SORCS3: variants seen among roughly 807,000 people sequenced by gnomAD.
SORCS3 encodes VPS10 domain-containing receptor SorCS3.
In SORCS3, 57 loss-of-function variants were observed where a neutral mutation model predicts 146.3. The ratio of observed to expected loss-of-function variants is 0.39; its 90% CI spans 0.31 to 0.49. SORCS3 has a LOEUF of 0.49. Ranked by LOEUF, SORCS3 falls within the 20% of genes least tolerant of loss-of-function variation. SORCS3 has a pLI of 0.92. For synonymous variants in SORCS3, 653 were observed against 618.5 expected (o/e 1.06, Z -0.83); for missense variants, 1,341 against 1,575.5 (o/e 0.85, Z 2.52).
At chr10:105,029,530 T>G (rs2055250759) in intron 4 of SORCS3, among the ~76,000 whole-genome samples, 1 of 152,216 alleles carries the variant, frequency 6.6e-6, no homozygotes, top group African/African-American at 2.4e-5. Context: ...AGGCTGTGCT[T>G]TTTGCTGTCT....
intron 1 of SORCS3, among the ~76,000 whole-genome samples, chr10:104,688,733 C>T (rs927751937): frequency 6.6e-6 from 1 of 152,156 alleles, no homozygotes; most frequent in African/African-American, 2.4e-5. Context: ...CAGGAAGTAC[C>T]TCTGTGGGTG....
At chr10:105,179,884 G>A (rs369625377) in intron 14 of SORCS3, among the ~76,000 whole-genome samples, 62 of 152,246 alleles carry the variant, frequency 4.1e-4, no homozygotes, top group Middle Eastern at 3.4e-3. Context: ...TAGCTTTGCC[G>A]TTGAATTGAA....
At chr10:105,081,901 A>G (rs2055628806) in intron 5 of SORCS3, among the ~76,000 whole-genome samples, 1 of 152,220 alleles carries the variant, frequency 6.6e-6, no homozygotes, top group Non-Finnish European at 1.5e-5. Flanking sequence ...TAAACATGAC[A>G]TGGGACACAG....
chr10:104,688,663 C>T (rs969113096), intron 1 of SORCS3, among the ~76,000 whole-genome samples: 6 of 152,148 alleles, frequency 3.9e-5, no homozygotes, highest in African/African-American at 1.2e-4. Context: ...TTCTTCCTCC[C>T]CTATCATTTT....
intron 1 of SORCS3, among the ~76,000 whole-genome samples, chr10:104,723,179 T>G (rs2016572910): frequency 6.6e-6 from 1 of 152,226 alleles, no homozygotes; most frequent in African/African-American, 2.4e-5. Flanking sequence ...GTATGTTGTG[T>G]CTTTGTTCTG....
intron 13 of SORCS3, among the ~76,000 whole-genome samples, chr10:105,172,361 G>A (rs1007199294): frequency 5.3e-5 from 8 of 152,120 alleles, no homozygotes; most frequent in African/African-American, 1.7e-4. Context: ...ACTGTTGAAT[G>A]GTAGTGTGTA....
chr10:104,953,976 A>C (rs1246983400), intron 3 of SORCS3, among the ~76,000 whole-genome samples: 1 of 152,148 alleles, frequency 6.6e-6, no homozygotes, highest in African/African-American at 2.4e-5. Flanking sequence ...AGTGTGTGCT[A>C]ATAGCTGTCT....
chr10:104,937,233 C>G (rs918836997), intron 3 of SORCS3, among the ~76,000 whole-genome samples: 9 of 152,204 alleles, frequency 5.9e-5, no homozygotes. Flanking sequence ...CCACTCACCT[C>G]CTGCTGTGCA....
intron 7 of SORCS3, among the ~76,000 whole-genome samples, chr10:105,113,129 G>A (rs1233909808): frequency 5.3e-5 from 8 of 152,064 alleles, no homozygotes; most frequent in South Asian, 2.1e-4. Context: ...ATACTCCTTC[G>A]TTTGACAAAA....
chr10:104,937,310 G>C (rs2019270133), intron 3 of SORCS3, among the ~76,000 whole-genome samples: 1 of 152,212 alleles, frequency 6.6e-6, no homozygotes, highest in Non-Finnish European at 1.5e-5. Context: ...AGGTAAGTTA[G>C]AGTTTGCCAC....
intron 1 of SORCS3, among the ~76,000 whole-genome samples, chr10:104,811,127 A>C (rs952082369): frequency 7.2e-5 from 11 of 152,252 alleles, no homozygotes; most frequent in Non-Finnish European, 8.8e-5. Flanking sequence ...AGTACCATAT[A>C]GGAAGGGAAA....
At chr10:105,262,600 A>C in intron 26 of SORCS3, 109 bp downstream of exon 26, 4 of 1,071,834 alleles carry the variant, frequency 3.7e-6, no homozygotes, top group Non-Finnish European at 3.9e-6. Context: ...ACAAACAACT[A>C]CCTACAGTGA....
chr10:104,744,157 G>A (rs2016881712), intron 1 of SORCS3, among the ~76,000 whole-genome samples: 1 of 152,144 alleles, frequency 6.6e-6, no homozygotes. Flanking sequence ...TCATTCTAGA[G>A]CTCTTCTCCT....
At chr10:105,045,037 A>AAAAAAAAAGAAAGAAAG (rs796179490) in intron 5 of SORCS3, among the ~76,000 whole-genome samples, 68 of 128,796 alleles carry the variant, frequency 5.3e-4, no homozygotes, top group African/African-American at 9.5e-4. Context: ...AAAAAAAAAA[A>AAAAAAAAAGAAAGAAAG]AAAAGAAAGA....
chr10:104,745,874 C>T (rs906876660), intron 1 of SORCS3, among the ~76,000 whole-genome samples: 1 of 152,098 alleles, frequency 6.6e-6, no homozygotes, highest in Non-Finnish European at 1.5e-5. Context: ...GCATAATGTC[C>T]TCCAGGTTCT....
At chr10:104,706,261 G>A (rs2016336493) in intron 1 of SORCS3, among the ~76,000 whole-genome samples, 1 of 133,302 alleles carries the variant, frequency 7.5e-6, no homozygotes, top group African/African-American at 2.9e-5. Flanking sequence ...AGACTGGAGT[G>A]CAGTGGCACC....
At chr10:104,808,097 A>G (rs2017699037) in intron 1 of SORCS3, among the ~76,000 whole-genome samples, 1 of 152,196 alleles carries the variant, frequency 6.6e-6, no homozygotes, top group African/African-American at 2.4e-5. Flanking sequence ...TTGAACTGGA[A>G]TTTGGAATCT....
At chr10:105,099,653 T>G (rs186416323) in intron 6 of SORCS3, among the ~76,000 whole-genome samples, 23 of 152,286 alleles carry the variant, frequency 1.5e-4, no homozygotes, top group African/African-American at 5.5e-4. Context: ...GAACTGGACT[T>G]TACAGTGAAA....
chr10:105,077,103 C>T (rs892175978), intron 5 of SORCS3, among the ~76,000 whole-genome samples: 2 of 152,164 alleles, frequency 1.3e-5, no homozygotes, highest in African/African-American at 4.8e-5. Flanking sequence ...ATAAAGATAT[C>T]AGATTAAATT....
Sources: gnomAD v4.1 joint callset for allele counts (sites outside exome capture counted in the v4.1 genomes callset) on GRCh38, gnomAD v4.1.1 for gene constraint, MANE v1.5 for transcripts, NCBI Gene and HGNC (gene_info 2026-07-23, HGNC 2026-07-21) for gene names.